The following TENT4B variants were observed in gnomAD, a reference collection of about 807,000 sequenced individuals.
TENT4B encodes terminal nucleotidyltransferase 4B.
Under a neutral mutation model 75.0 loss-of-function variants are expected in TENT4B, and 10 were observed. That is an observed-to-expected ratio of 0.13 (90% CI 0.08 to 0.23). The LOEUF (loss-of-function observed/expected upper bound fraction) is 0.23. Among genes scored for constraint, TENT4B ranks in the 10% least tolerant of loss-of-function variants. The pLI is 1.00. For missense variants in TENT4B, 579 were observed against 893.8 expected, an observed-to-expected ratio of 0.65 and a Z score of 4.49; for synonymous variants, 350 against 357.7, an observed-to-expected ratio of 0.98 and a Z score of 0.24.
intron 1 of TENT4B, among the ~76,000 whole-genome samples, chr16:50,155,272 GGTGTGT>G (rs60683678): frequency 1.7e-3 from 232 of 135,476 alleles, no homozygotes; most frequent in Middle Eastern, 3.7e-3. Flanking sequence ...GGGTCTCGTG[GGTGTGT>G]GTGTGTGTGT....
intron 5 of TENT4B, among the ~76,000 whole-genome samples, chr16:50,219,571 A>T (rs2031729087): frequency 6.6e-6 from 1 of 152,194 alleles, no homozygotes; most frequent in Non-Finnish European, 1.5e-5. Flanking sequence ...TTGTAGAAAG[A>T]TTCCCAAAAG....
At chr16:50,161,072 A>G (rs964848164) in intron 1 of TENT4B, among the ~76,000 whole-genome samples, 4 of 152,210 alleles carry the variant, frequency 2.6e-5, no homozygotes, top group African/African-American at 7.2e-5. Context: ...TGGCCAGTAG[A>G]ATGTTCTTTC....
chr16:50,218,874 A>G (rs1230874157), intron 5 of TENT4B, among the ~76,000 whole-genome samples: 1 of 151,976 alleles, frequency 6.6e-6, no homozygotes. Flanking sequence ...CAGCTTTCTC[A>G]CCTCTAACCT....
At chr16:50,215,289 G>C (rs1246102800) in intron 3 of TENT4B, among the ~76,000 whole-genome samples, 1 of 152,060 alleles carries the variant, frequency 6.6e-6, no homozygotes, top group Admixed American at 6.5e-5. Flanking sequence ...AGCTTGATTT[G>C]GTATACTTTA....
chr16:50,166,080 C>CTTTTT (rs34403390), intron 1 of TENT4B, among the ~76,000 whole-genome samples: 2 of 117,558 alleles, frequency 1.7e-5, no homozygotes, highest in Admixed American at 9.0e-5. Flanking sequence ...CTTGACAGCA[C>CTTTTT]TTTTTTTTTT....
intron 2 of TENT4B, 141 bp downstream of exon 2, chr16:50,211,587 A>G (rs747391705): frequency 3.0e-6 from 3 of 998,366 alleles, no homozygotes; most frequent in Non-Finnish European, 2.6e-6. Flanking sequence ...TTTTAAAGGC[A>G]AACAATTTTC....
chr16:50,176,546 G>A (rs1401269735), intron 1 of TENT4B, among the ~76,000 whole-genome samples: 2 of 106,850 alleles, frequency 1.9e-5, no homozygotes, highest in Non-Finnish European at 3.4e-5. Context: ...TTGCTCTGTC[G>A]CCCAGGCTGG....
rs1045230928 is a variant in TENT4B at position 50,232,189 on chromosome 16, A to G, written c.*2861A>G. The G allele has an allele frequency of 1.0e-6, 1 of 985,112 alleles. No homozygotes were observed. The highest frequency in any genetic ancestry group is 1.2e-6 in the Non-Finnish European group (1 of 829,886). 61.0% of individuals were successfully genotyped at this position (985,112 alleles called of 1,614,324 possible). ...AAAAGTATATCCATTTTTTCCCTCC[A>G]GCTTTAAGGTGACTGTGAAGGTGCC... On this transcript the variant is annotated 3_prime_UTR_variant, in exon 12 of 12. Transcript: ENST00000561678.
Position 50,234,502 on chromosome 16 carries a change from T to TC in TENT4B, c.*5177dup, listed in dbSNP as rs2032389067. 1 of 984,462 alleles carries TC rather than the reference T, an allele frequency of 1.0e-6. No homozygotes were observed. The highest frequency in any genetic ancestry group is 6.1e-5 in the Admixed American group (1 of 16,272). The allele number at this position is 984,462 out of a possible 1,614,324, so 61.0% of individuals were successfully genotyped here. A position where few individuals can be genotyped will look rare whatever the true frequency, so the allele number is the denominator to read the frequency against. ...TGGGTTCTGTGCTATTCATAGTTCT[T>TC]CCCTAAGACCATTTCATTATTACCT... is the stretch of plus-strand genomic sequence containing the variant. On this transcript the variant is annotated 3_prime_UTR_variant, in exon 12 of 12. Transcript: ENST00000561678.
intron 2 of TENT4B, 51 bp from the exon 3 acceptor site, chr16:50,214,170 A>G (rs1048062361): frequency 3.6e-6 from 5 of 1,386,826 alleles, no homozygotes; most frequent in Non-Finnish European, 5.1e-6. Flanking sequence ...ACTCAATATG[A>G]TAACAACTTC....
chr16:50,232,204 G>A lies in TENT4B; in HGVS notation c.*2876G>A. Reference sequence around the variant, plus strand: ...TTTTCCCTCCAGCTTTAAGGTGACTGTGAAGGTGCCTGGTTTTGAATGTCT... The same window carrying A: ...TTTTCCCTCCAGCTTTAAGGTGACTATGAAGGTGCCTGGTTTTGAATGTCT... On this transcript the variant is annotated 3_prime_UTR_variant, in exon 12 of 12. Transcript: ENST00000561678. 1 of 985,400 alleles carries A rather than the reference G, an allele frequency of 1.0e-6. No individual in the cohort carries two copies. The allele number at this position is 985,400 out of a possible 1,614,324, so 61.0% of individuals were successfully genotyped here. A position where few individuals can be genotyped will look rare whatever the true frequency, so the allele number is the denominator to read the frequency against.
rs1381029329 is a variant in TENT4B, at chr16:50,176,564, C to T, written c.638+22305C>T. On this transcript the variant is annotated intron_variant, in intron 1 of 11. Coordinates refer to ENST00000561678, the MANE Select transcript of TENT4B (RefSeq NM_001365324.3). The stretch of plus-strand genomic sequence containing the variant: ...CTCTGTCGCCCAGGCTGGAGTGCAG[C>T]GGTGCAATCTCATCTCACTGCAACC... Among the ~76,000 whole-genome samples, 15 of 112,372 alleles carry T rather than the reference C, an allele frequency of 1.3e-4. No homozygotes were observed. In the South Asian group the frequency reaches 2.3e-3, roughly 17 times the overall value. 73.7% of individuals were successfully genotyped at this position (112,372 alleles called of 152,430 possible).
At chr16:50,211,608 A>G (rs1032395221) in intron 2 of TENT4B, among the ~76,000 whole-genome samples, 162 bp downstream of exon 2, 10 of 152,350 alleles carry the variant, frequency 6.6e-5, no homozygotes, top group Middle Eastern at 3.4e-3. Context: ...TGCAGTCTTT[A>G]GAATTGAGGC....
chr16:50,153,459 GCGCGA>G lies in TENT4B; in HGVS notation c.-161_-157del. 4.2e-6 allele frequency: 4 copies of G among 960,960 alleles called. No individual in the cohort carries two copies. Among genetic ancestry groups the G allele is most frequent in the Non-Finnish European group, 4.9e-6 (4 of 810,686 alleles). 59.5% of individuals were successfully genotyped at this position (960,960 alleles called of 1,614,324 possible). A position where few individuals can be genotyped will look rare whatever the true frequency, so the allele number is the denominator to read the frequency against. On this transcript the variant is annotated 5_prime_UTR_variant, in exon 1 of 12. Coordinates refer to ENST00000561678, the MANE Select transcript of TENT4B (RefSeq NM_001365324.3). ...GCCGCCGGCGCCGGCCGGGCTCCCT[GCGCGA>G]CCGCGCCGCCCGCGGCGGGCCCCGA...
intron 1 of TENT4B, among the ~76,000 whole-genome samples, chr16:50,198,340 A>C (rs1434935444): frequency 4.0e-5 from 6 of 151,326 alleles, no homozygotes; most frequent in Non-Finnish European, 8.8e-5. Flanking sequence ...GATCATTTGA[A>C]CCTGAGAAGC....
At chr16:50,186,118 A>C (rs1392395791) in intron 1 of TENT4B, among the ~76,000 whole-genome samples, 1 of 152,080 alleles carries the variant, frequency 6.6e-6, no homozygotes, top group African/African-American at 2.4e-5. Context: ...AAGTACATTC[A>C]CAGTGTTGTA....
chr16:50,229,188 G>T lies in TENT4B; in HGVS notation c.2002G>T (p.Gly668Cys), dbSNP rs61731593. ...AAGGCTCTTTCGTTCTTCCAGCAAA[G>T]GCTTCCAAGGTACAACTCAAACAAG... ...SARLFRSSSK[G>C]FQGTTQTSHG... The change falls in exon 12 of 12, where the codon GGC (glycine) becomes TGC (cysteine). Residue 668 changes from glycine (G) to cysteine (C), a missense_variant. Gly to Cys is a radical substitution (Grantham distance 159). This residue lies in a region of TENT4B where 164 missense variants were observed against 226.5 expected (regional missense o/e 0.72). Transcript: ENST00000561678. 1.1e-4 allele frequency: 183 copies of T among 1,613,582 alleles called. No homozygotes were observed. Among genetic ancestry groups the T allele is most frequent in the Non-Finnish European group, 1.4e-4 (170 of 1,179,784 alleles).
At chr16:50,178,165 AAG>A (rs1409580955) in intron 1 of TENT4B, among the ~76,000 whole-genome samples, 1 of 139,214 alleles carries the variant, frequency 7.2e-6, no homozygotes, top group Non-Finnish European at 1.6e-5. Flanking sequence ...TTTTTTTTTA[AAG>A]AAAAGCTGGC....
At chr16:50,198,378 C>A (rs565647651) in intron 1 of TENT4B, among the ~76,000 whole-genome samples, 1 of 148,596 alleles carries the variant, frequency 6.7e-6, no homozygotes, top group East Asian at 2.0e-4. Context: ...GAGATCACGC[C>A]ACTGCACTCC....
Sources: allele counts gnomAD v4.1 joint callset (sites outside exome capture counted in the v4.1 genomes callset), GRCh38; gene constraint gnomAD v4.1.1; regional missense constraint gnomAD v4.1.1; transcripts MANE v1.5; gene names NCBI Gene and HGNC (gene_info 2026-07-23, HGNC 2026-07-21).